PLEKHA6: variants seen among roughly 807,000 people sequenced by gnomAD.
The protein encoded by PLEKHA6 is pleckstrin homology domain-containing family A member 6.
In PLEKHA6, 60 loss-of-function variants were observed where a neutral mutation model predicts 116.7. That is an observed-to-expected ratio of 0.51 (90% CI 0.42 to 0.64). The LOEUF is 0.64. Ranked by LOEUF, PLEKHA6 falls within the 30% of genes least tolerant of loss-of-function variation. The pLI, the probability that PLEKHA6 is intolerant of heterozygous loss-of-function variation, is 0.00. For missense variants in PLEKHA6, 1,338 were observed against 1,422.7 expected (o/e 0.94, Z 0.96); for synonymous variants, 489 against 556.1 (o/e 0.88, Z 1.70).
intron 3 of PLEKHA6, among the ~76,000 whole-genome samples, chr1:204,272,662 C>A (rs554722887): frequency 3.9e-5 from 6 of 152,296 alleles, no homozygotes; most frequent in African/African-American, 9.6e-5. Context: ...TAGAGGCAAC[C>A]ACTGACCCAA....
At chr1:204,275,677 G>A (rs1667928057) in intron 1 of PLEKHA6, 1 of 983,788 alleles carries the variant, frequency 1.0e-6, no homozygotes, top group African/African-American at 1.7e-5. Context: ...GGGGAGGAAG[G>A]CAGCAGACAG....
At chr1:204,285,923 G>A (rs1026645254) in intron 1 of PLEKHA6, among the ~76,000 whole-genome samples, 6 of 152,238 alleles carry the variant, frequency 3.9e-5, no homozygotes, top group Non-Finnish European at 5.9e-5. Context: ...TCTAGCTGAC[G>A]CTTGGGGGAG....
intron 9 of PLEKHA6, among the ~76,000 whole-genome samples, chr1:204,255,430 A>T (rs551298418): frequency 1.5e-4 from 23 of 152,326 alleles, no homozygotes; most frequent in African/African-American, 5.1e-4. Flanking sequence ...TTCTTTCCCC[A>T]GGAAACTCCC....
chr1:204,282,691 AAGC>A (rs1254519114), intron 1 of PLEKHA6: 6 of 985,288 alleles, frequency 6.1e-6, no homozygotes, highest in African/African-American at 1.7e-5. Context: ...TACCACCCAG[AAGC>A]TGCCATGGGC....
chr1:204,313,050 C>CCCTCCCTCCCTCCCTT (rs1332061522), intron 1 of PLEKHA6, among the ~76,000 whole-genome samples: 2 of 124,210 alleles, frequency 1.6e-5, no homozygotes, highest in Non-Finnish European at 3.4e-5. Context: ...CTCCCTCTGT[C>CCCTCCCTCCCTCCCTT]CCTCCCTCCC....
chr1:204,312,969 T>C (rs1309120201), intron 1 of PLEKHA6, among the ~76,000 whole-genome samples: 1 of 148,498 alleles, frequency 6.7e-6, no homozygotes, highest in African/African-American at 2.5e-5. Context: ...GCCTCAAGCA[T>C]TCCTCCCACC....
chr1:204,377,370 G>A (rs1475191803), intron 1 of PLEKHA6, among the ~76,000 whole-genome samples: 1 of 152,202 alleles, frequency 6.6e-6, no homozygotes, highest in Admixed American at 6.5e-5. Flanking sequence ...TTTCCAAGCT[G>A]AGGGAATGCC....
intron 1 of PLEKHA6, among the ~76,000 whole-genome samples, chr1:204,292,555 C>T (rs1669880792): frequency 6.6e-6 from 1 of 151,970 alleles, no homozygotes; most frequent in Non-Finnish European, 1.5e-5. Flanking sequence ...CTCACCCTGG[C>T]TGATGCCCAC....
intron 15 of PLEKHA6, among the ~76,000 whole-genome samples, chr1:204,242,546 CTT>C (rs2102564124): frequency 1.3e-5 from 2 of 152,344 alleles, no homozygotes; most frequent in South Asian, 4.1e-4. Context: ...GCACAGGACT[CTT>C]TCTACTCACC....
Position 204,269,920 on chromosome 1 carries a change from C to T in PLEKHA6, c.103-1608G>A, listed in dbSNP as rs116919764. ...CTCTCTCATGCTCCCACACACATAC[C>T]CAAATTCCCCCTTCAATACACCCAA... On this transcript the variant is annotated intron_variant, in intron 3 of 22. Coordinates refer to ENST00000272203, the MANE Select transcript of PLEKHA6 (RefSeq NM_014935.5). 1.4e-4 allele frequency among the ~76,000 whole-genome samples: 21 copies of T among 152,288 alleles called. No individual in the cohort carries two copies. In the East Asian group the frequency reaches 4.0e-3, roughly 29 times the overall value.
chr1:204,254,364 C>T (rs979245424), intron 9 of PLEKHA6, among the ~76,000 whole-genome samples: 15 of 152,282 alleles, frequency 9.9e-5, no homozygotes, highest in Admixed American at 9.2e-4. Flanking sequence ...ATTGCGACAC[C>T]GACATGAAGC....
In PLEKHA6 at chr1:204,256,383, G is replaced by A. The variant is rs12080948; in HGVS notation, c.1524+970C>T. On this transcript the variant is annotated intron_variant, in intron 9 of 22. Coordinates refer to ENST00000272203, the MANE Select transcript of PLEKHA6 (RefSeq NM_014935.5). ...AAATTTTTTCTTCCTCAATCATATC[G>A]CTTGTATCTCTCCCCAAAAGTGGCA... 1.4e-3 allele frequency among the ~76,000 whole-genome samples: 216 copies of A among 152,128 alleles called. 2 individuals are homozygous for A. The highest frequency in any genetic ancestry group is 4.5e-3 in the African/African-American group (185 of 41,484).
Position 204,377,620 on chromosome 1 carries a change from A to ACC in PLEKHA6, c.45_46insGG (p.Tyr16GlyfsTer71), listed in dbSNP as rs1673893308. 1 of 152,308 alleles carries ACC rather than the reference A, an allele frequency of 6.6e-6. No homozygotes were observed. The highest frequency in any genetic ancestry group is 1.5e-5 in the Non-Finnish European group (1 of 68,114). The allele number at this position is 152,308 out of a possible 1,614,324, so 9.4% of individuals were successfully genotyped here. A position where few individuals can be genotyped will look rare whatever the true frequency, so the allele number is the denominator to read the frequency against. On this transcript the variant is annotated frameshift_variant, in exon 1 of 5. Transcript: ENST00000564627. LOFTEE classifies it high-confidence loss of function. ...ATTCTCCCACCGCCGTCAACTCCGT[A>ACC]GGCCCACCGGCCGGGCAGGTCCAGC...
intron 17 of PLEKHA6, among the ~76,000 whole-genome samples, chr1:204,232,864 C>T (rs11240704): frequency 0.52 from 78,501 of 152,028 alleles, 20,896 homozygotes; most frequent in African/African-American, 0.66. Flanking sequence ...AATGGAATTT[C>T]CCCTGCTGGA....
At chr1:204,295,997 C>T (rs866262896) in intron 1 of PLEKHA6, among the ~76,000 whole-genome samples, 1 of 152,108 alleles carries the variant, frequency 6.6e-6, no homozygotes, top group Admixed American at 6.5e-5. Context: ...ACGGGGTGCA[C>T]GCACACAGAG....
chr1:204,223,531 G>C lies in PLEKHA6; in HGVS notation c.3086C>G (p.Ala1029Gly), dbSNP rs145148095. 6.4e-7 allele frequency: 1 copy of C among 1,550,744 alleles called. No homozygotes were observed. The highest frequency in any genetic ancestry group is 8.7e-7 in the Non-Finnish European group (1 of 1,146,372). Residue 1029 changes from alanine (A) to glycine (G), a missense_variant, in exon 22 of 23, where the codon GCA becomes GGA. Physicochemically the swap from Ala to Gly is moderately conservative, Grantham distance 60. Coordinates refer to ENST00000272203, the MANE Select transcript of PLEKHA6 (RefSeq NM_014935.5). The surrounding 1 kb of genome is among the most constrained non-coding windows in gnomAD (Gnocchi z 4.8). ...PTSPASPAPP[A>G]NPLSSESPRG... Reference sequence around the variant, plus strand: ...TGGGGATTCAGACGACAGGGGGTTTGCTGGAGGAGCCGGGGAAGCAGGGGA... The same window carrying C: ...TGGGGATTCAGACGACAGGGGGTTTCCTGGAGGAGCCGGGGAAGCAGGGGA...
At chr1:204,372,369 T>C (rs1329635615) in intron 1 of PLEKHA6, among the ~76,000 whole-genome samples, 4 of 152,120 alleles carry the variant, frequency 2.6e-5, no homozygotes, top group Non-Finnish European at 4.4e-5. Context: ...GCCATCATCA[T>C]TTCTCAATCC....
At chr1:204,326,278 C>T (rs1292873357) in intron 1 of PLEKHA6, among the ~76,000 whole-genome samples, 1 of 152,196 alleles carries the variant, frequency 6.6e-6, no homozygotes, top group Admixed American at 6.5e-5. Context: ...TAGACCCAAC[C>T]AGCCAGGAGA....
At chr1:204,253,138 A>G (rs1664791583) in intron 9 of PLEKHA6, among the ~76,000 whole-genome samples, 2 of 152,226 alleles carry the variant, frequency 1.3e-5, no homozygotes, top group Non-Finnish European at 2.9e-5. Flanking sequence ...TGGGAAAAAC[A>G]AAATAATAAC....
Sources: allele counts gnomAD v4.1 joint callset (sites outside exome capture counted in the v4.1 genomes callset), GRCh38; gene constraint gnomAD v4.1.1; non-coding constraint Gnocchi (gnomAD v3.1); transcripts MANE v1.5; gene names NCBI Gene and HGNC (gene_info 2026-07-23, HGNC 2026-07-21).